Variants in GOLM2 observed in about 807,000 individuals in gnomAD.
GOLM2 encodes protein GOLM2.
Under a neutral mutation model 55.9 loss-of-function variants are expected in GOLM2, and 26 were observed. The ratio of observed to expected loss-of-function variants is 0.47; its 90% CI spans 0.34 to 0.65. The LOEUF (loss-of-function observed/expected upper bound fraction) is 0.65, where lower values mean the gene tolerates loss of function less well. Among genes scored for constraint, GOLM2 ranks in the 30% least tolerant of loss-of-function variants. The probability of loss-of-function intolerance (pLI) is 0.01; values close to 1 mark genes in which losing one functional copy is unlikely to be tolerated. For missense variants in GOLM2, 486 were observed against 531.8 expected (o/e 0.91, Z 0.85); for synonymous variants, 165 against 194.6 (o/e 0.85, Z 1.27).
chr15:44,385,680 A>G (rs1369204458), intron 8 of GOLM2, among the ~76,000 whole-genome samples: 1 of 152,040 alleles, frequency 6.6e-6, no homozygotes, highest in Admixed American at 6.6e-5. Context: ...AGTAGTAGCT[A>G]TGGCTACAGG....
intron 1 of GOLM2, among the ~76,000 whole-genome samples, chr15:44,319,357 C>T (rs2078933695): frequency 6.6e-6 from 1 of 152,044 alleles, no homozygotes. Flanking sequence ...GGACTATAGG[C>T]ATATGCCACC....
At chr15:44,358,157 C>T (rs2079210209) in intron 6 of GOLM2, among the ~76,000 whole-genome samples, 1 of 152,148 alleles carries the variant, frequency 6.6e-6, no homozygotes, top group African/African-American at 2.4e-5. Context: ...AGTTTGAGAC[C>T]AGCCTGGCCA....
chr15:44,328,072 GTT>G (rs1045316481), intron 2 of GOLM2, among the ~76,000 whole-genome samples: 1 of 152,194 alleles, frequency 6.6e-6, no homozygotes, highest in African/African-American at 2.4e-5. Flanking sequence ...GAGATAGGTA[GTT>G]TTTTGTATTG....
intron 1 of GOLM2, among the ~76,000 whole-genome samples, chr15:44,309,136 TAAC>T (rs1341914967): frequency 6.6e-6 from 1 of 152,222 alleles, no homozygotes; most frequent in African/African-American, 2.4e-5. Flanking sequence ...AGGTGAAAGA[TAAC>T]AAATGTTGGT....
chr15:44,322,611 GT>G (rs1350874720), intron 1 of GOLM2, among the ~76,000 whole-genome samples: 1 of 152,074 alleles, frequency 6.6e-6, no homozygotes. Flanking sequence ...AAGCCTTTGA[GT>G]CATGTTTTCG....
intron 2 of GOLM2, among the ~76,000 whole-genome samples, chr15:44,324,081 G>C (rs1341340539): frequency 6.6e-6 from 1 of 152,198 alleles, no homozygotes; most frequent in Non-Finnish European, 1.5e-5. Context: ...AGATGCCACA[G>C]TGTCAGTGCT....
Position 44,323,036 on chromosome 15 carries a change from C to A in GOLM2, c.382+17C>A. The A allele has an allele frequency of 6.6e-6, 10 of 1,521,942 alleles. No homozygotes were observed. Among genetic ancestry groups the A allele is most frequent in the Admixed American group, 2.1e-5 (1 of 47,836 alleles). The allele number at this position is 1,521,942 out of a possible 1,614,324, so 94.3% of individuals were successfully genotyped here. The stretch of plus-strand genomic sequence containing the variant: ...ATTTAAAGGGTAAGAACCTTAATTC[C>A]AGATTAAAGATAAACCAAGGTCACT... On this transcript the variant is annotated intron_variant, in intron 2 of 9. Coordinates refer to ENST00000299957, the MANE Select transcript of GOLM2 (RefSeq NM_138423.4).
At chr15:44,333,777 C>T (rs2079038775) in intron 4 of GOLM2, among the ~76,000 whole-genome samples, 1 of 151,682 alleles carries the variant, frequency 6.6e-6, no homozygotes, top group Non-Finnish European at 1.5e-5. Context: ...AGTGCAGTGG[C>T]GTGATCTCAG....
chr15:44,394,707 C>A (rs1199145830), intron 8 of GOLM2, among the ~76,000 whole-genome samples: 1 of 152,182 alleles, frequency 6.6e-6, no homozygotes, highest in Non-Finnish European at 1.5e-5. Context: ...CCCAACCTCC[C>A]ACCTCTCATG....
At chr15:44,379,140 C>A (rs1296360273) in intron 6 of GOLM2, among the ~76,000 whole-genome samples, 2 of 152,174 alleles carry the variant, frequency 1.3e-5, no homozygotes, top group Non-Finnish European at 2.9e-5. Flanking sequence ...ACAGTTTGTA[C>A]TGTCATGGAG....
chr15:44,409,915 A>T (rs765683674), intron 9 of GOLM2: 8 of 120,328 alleles, frequency 6.6e-5, no homozygotes, highest in African/African-American at 1.5e-4. Context: ...GACTTCGTCT[A>T]AAAAAAAAAA....
At chr15:44,373,477 A>G (rs1222414293) in intron 6 of GOLM2, among the ~76,000 whole-genome samples, 4 of 142,348 alleles carry the variant, frequency 2.8e-5, no homozygotes, top group African/African-American at 1.0e-4. Flanking sequence ...CAGTTTTGGC[A>G]GGGCACAGTG....
At chr15:44,393,001 C>G (rs1297997624) in intron 8 of GOLM2, among the ~76,000 whole-genome samples, 1 of 152,120 alleles carries the variant, frequency 6.6e-6, no homozygotes, top group Non-Finnish European at 1.5e-5. Context: ...CACTTCTATT[C>G]CGCTTTTCAC....
chr15:44,310,886 A>G (rs1264004730), intron 1 of GOLM2, among the ~76,000 whole-genome samples: 1 of 151,984 alleles, frequency 6.6e-6, no homozygotes, highest in Non-Finnish European at 1.5e-5. Flanking sequence ...GCATGGTGGC[A>G]CACACCTGTA....
At chr15:44,410,950 A>G (rs923797585) in intron 9 of GOLM2, among the ~76,000 whole-genome samples, 2 of 148,484 alleles carry the variant, frequency 1.3e-5, no homozygotes, top group East Asian at 3.9e-4. Context: ...CTGAAATTCT[A>G]GAAATGAAAA....
At position 44,338,217 on chromosome 15, in the gene GOLM2, T is replaced by C. The variant is rs763803233; in HGVS notation, c.722-20T>C. 4.4e-6 allele frequency: 7 copies of C among 1,601,522 alleles called. No individual in the cohort carries two copies. In the African/African-American group the frequency reaches 9.4e-5, roughly 22 times the overall value. On this transcript the variant is annotated intron_variant, in intron 5 of 9. Coordinates refer to ENST00000299957, the MANE Select transcript of GOLM2 (RefSeq NM_138423.4). ...ATGTAAGAAAAACGATAGAATTCTA[T>C]CTTTTTGTTACTTGGGCAGAACAAA... is the stretch of plus-strand genomic sequence containing the variant.
intron 1 of GOLM2, among the ~76,000 whole-genome samples, chr15:44,313,280 C>A (rs1387385640): frequency 6.6e-6 from 1 of 152,088 alleles, no homozygotes; most frequent in Non-Finnish European, 1.5e-5. Context: ...GTCTTACTTC[C>A]CCTTTCCAGG....
intron 2 of GOLM2, 99 bp from the exon 3 acceptor site, chr15:44,328,586 G>T: frequency 1.5e-6 from 1 of 653,994 alleles, no homozygotes; most frequent in Non-Finnish European, 2.6e-6. Flanking sequence ...TAAAGAAATT[G>T]AGAATTATGT....
At chr15:44,347,346 G>A (rs1595639468) in intron 6 of GOLM2, among the ~76,000 whole-genome samples, 1 of 152,202 alleles carries the variant, frequency 6.6e-6, no homozygotes, top group Non-Finnish European at 1.5e-5. Flanking sequence ...GTCTTGAATT[G>A]AAGACACCAC....
Sources: allele counts gnomAD v4.1 joint callset (sites outside exome capture counted in the v4.1 genomes callset), GRCh38; gene constraint gnomAD v4.1.1; transcripts MANE v1.5; gene names NCBI Gene and HGNC (gene_info 2026-07-23, HGNC 2026-07-21).